Variants in SLC27A6 observed in about 807,000 individuals in gnomAD.
SLC27A6 encodes the protein long-chain fatty acid transport protein 6.
In SLC27A6, 74 loss-of-function variants were observed where a neutral mutation model predicts 63.9. The observed-to-expected ratio is 1.16, with a 90% CI of 0.96 to 1.40. The LOEUF (loss-of-function observed/expected upper bound fraction) is 1.40. Among genes scored for constraint, SLC27A6 ranks in the 40% most tolerant of loss-of-function variants. The pLI, the probability that SLC27A6 is intolerant of heterozygous loss-of-function variation, is 0.00. For missense variants in SLC27A6, 794 were observed against 732.9 expected, an observed-to-expected ratio of 1.08 and a Z score of -0.96; for synonymous variants, 287 against 260.8, an observed-to-expected ratio of 1.10 and a Z score of -0.97.
In SLC27A6 at chr5:129,023,640, A is replaced by G; in HGVS notation, c.1185A>G (p.Leu395=). ...TGCAGCTTCTTTCCACTTTTGACTT[A>G]ATAAAGTATGACTTTCAGAAAGATG... The part of the protein sequence containing the change: ...LFYKLLSTFD[L]IKYDFQKDEP... The change falls in exon 6 of 10, where the codon TTA becomes TTG. Residue 395 remains leucine (L), a synonymous_variant. Transcript: ENST00000262462. 1.9e-6 allele frequency: 3 copies of G among 1,606,126 alleles called. No individual in the cohort carries two copies. The African/African-American group carries it at 4.0e-5, about 22-fold the overall frequency.
chr5:128,997,698 T>C (rs555986341), intron 4 of SLC27A6, among the ~76,000 whole-genome samples: 2 of 152,318 alleles, frequency 1.3e-5, no homozygotes, highest in African/African-American at 4.8e-5. Flanking sequence ...GCTAATTCCA[T>C]TGAGGATACA....
chr5:129,022,646 C>T (rs2150153299), intron 5 of SLC27A6, among the ~76,000 whole-genome samples: 1 of 152,156 alleles, frequency 6.6e-6, no homozygotes. Flanking sequence ...CTGAGTAGAA[C>T]CTCAATTTTC....
intron 4 of SLC27A6, among the ~76,000 whole-genome samples, chr5:129,015,208 A>T (rs373212483): frequency 1.3e-5 from 2 of 152,176 alleles, no homozygotes; most frequent in South Asian, 2.1e-4. Context: ...TAGTTAAAAC[A>T]TTACTTACTA....
chr5:128,977,629 G>T (rs1750434199), intron 1 of SLC27A6, among the ~76,000 whole-genome samples: 1 of 152,158 alleles, frequency 6.6e-6, no homozygotes, highest in Non-Finnish European at 1.5e-5. Context: ...ACCTTGCCTA[G>T]ATGTATGAGC....
intron 2 of SLC27A6, among the ~76,000 whole-genome samples, chr5:128,987,402 C>T (rs1047461728): frequency 1.3e-5 from 2 of 151,936 alleles, no homozygotes; most frequent in East Asian, 3.9e-4. Flanking sequence ...GTTTTTGTGT[C>T]TGCACTTTTA....
At chr5:129,021,453 C>T (rs1752073745) in intron 5 of SLC27A6, among the ~76,000 whole-genome samples, 1 of 152,156 alleles carries the variant, frequency 6.6e-6, no homozygotes, top group Non-Finnish European at 1.5e-5. Flanking sequence ...ATTTACAAAT[C>T]TGAATCTGCA....
intron 1 of SLC27A6, among the ~76,000 whole-genome samples, chr5:128,980,144 A>G (rs1750533034): frequency 6.6e-6 from 1 of 152,162 alleles, no homozygotes; most frequent in Non-Finnish European, 1.5e-5. Context: ...TTTCTATTTA[A>G]TGAGCTTGAG....
intron 3 of SLC27A6, 52 bp downstream of exon 3, chr5:128,988,810 A>G: frequency 7.1e-7 from 1 of 1,404,434 alleles, no homozygotes; most frequent in Non-Finnish European, 9.9e-7. Context: ...AATAATTAGA[A>G]CAAGTATTTA....
At chr5:128,994,977 G>GA (rs1751107740) in intron 4 of SLC27A6, among the ~76,000 whole-genome samples, 1 of 152,174 alleles carries the variant, frequency 6.6e-6, no homozygotes. Context: ...ATTGTTTTCA[G>GA]AAAAAGAGAC....
At chr5:128,992,712 G>C (rs528636108) in intron 4 of SLC27A6, among the ~76,000 whole-genome samples, 9 of 152,242 alleles carry the variant, frequency 5.9e-5, no homozygotes, top group Non-Finnish European at 8.8e-5. Flanking sequence ...TTATCTTCTA[G>C]TTTTCATTGT....
At position 129,012,588 on chromosome 5, in the gene SLC27A6, T is replaced by C. The variant is rs140424773; in HGVS notation, c.970-3297T>C. Among the ~76,000 whole-genome samples the C allele has an allele frequency of 4.6e-3, 694 of 152,272 alleles. 5 individuals carry two copies. Among genetic ancestry groups the C allele is most frequent in the African/African-American group, 0.016 (682 of 41,576 alleles). ...AAAATATCTCAGTCTATTTTAGCTC[T>C]GTCCATTTTTGCTTTATATATTTGA... On this transcript the variant is annotated intron_variant, in intron 4 of 9. Coordinates refer to ENST00000262462, the MANE Select transcript of SLC27A6 (RefSeq NM_001017372.3).
intron 4 of SLC27A6, among the ~76,000 whole-genome samples, chr5:129,000,438 G>A (rs1751295453): frequency 2.0e-5 from 3 of 152,144 alleles, no homozygotes; most frequent in Non-Finnish European, 4.4e-5. Flanking sequence ...AACAAGTCCA[G>A]TTGCTGGGAT....
Position 129,027,140 on chromosome 5 carries a change from T to G in SLC27A6, c.1263T>G (p.Pro421=), listed in dbSNP as rs767665885. 1.2e-5 allele frequency: 20 copies of G among 1,613,000 alleles called. No individual in the cohort carries two copies. Among genetic ancestry groups the G allele is most frequent in the Middle Eastern group, 1.6e-4 (1 of 6,070 alleles). ...GWCIHVKKGE[P]GLLISRVNAK... is the part of the protein sequence containing the mutation. ...TGTCGTTCTTTCTTGCAGGAGAACC[T>G]GGACTTCTCATTTCTCGAGTGAATG... The change falls in exon 7 of 10, where the codon CCT becomes CCG. Residue 421 remains proline (P), a synonymous_variant. Transcript: ENST00000262462.
At chr5:129,008,428 C>T (rs1751618156) in intron 4 of SLC27A6, among the ~76,000 whole-genome samples, 1 of 152,138 alleles carries the variant, frequency 6.6e-6, no homozygotes, top group Non-Finnish European at 1.5e-5. Flanking sequence ...GTTTATAAAC[C>T]ACCTTCATAT....
chr5:128,986,166 TA>T (rs1311314093), intron 2 of SLC27A6, among the ~76,000 whole-genome samples: 2 of 151,952 alleles, frequency 1.3e-5, no homozygotes, highest in Non-Finnish European at 2.9e-5. Context: ...TTAAAAAAAA[TA>T]GCCAGATGTG....
At chr5:129,002,559 TTCCTTCGTTCC>T (rs1751380880) in intron 4 of SLC27A6, among the ~76,000 whole-genome samples, 1 of 88,602 alleles carries the variant, frequency 1.1e-5, no homozygotes, top group Admixed American at 1.5e-4. Context: ...CCTTCCTTTC[TTCCTTCGTTCC>T]TTCGTTCCTT....
intron 4 of SLC27A6, among the ~76,000 whole-genome samples, chr5:129,010,487 A>G (rs985391786): frequency 6.6e-6 from 1 of 152,160 alleles, no homozygotes; most frequent in Admixed American, 6.5e-5. Flanking sequence ...TTTAAAGCAG[A>G]TGATTTTCTC....
intron 5 of SLC27A6, among the ~76,000 whole-genome samples, chr5:129,021,545 T>C (rs1056949597): frequency 1.3e-5 from 2 of 152,218 alleles, no homozygotes; most frequent in African/African-American, 2.4e-5. Context: ...AGTTCTGCTA[T>C]GAATGGGACC....
At position 129,009,671 on chromosome 5, in the gene SLC27A6, TTGTGTGTGTG is replaced by T. The variant is rs71000903; in HGVS notation, c.970-6197_970-6188del. ...ACTCCCCATCATAGCTAACATTTCT[TTGTGTGTGTG>T]TGTGTGTGTGTGTGTGCCTGTGTCA... On this transcript the variant is annotated intron_variant, in intron 4 of 9. Coordinates refer to ENST00000262462, the MANE Select transcript of SLC27A6 (RefSeq NM_001017372.3). Among the ~76,000 whole-genome samples, 1,009 of 149,178 alleles carry T rather than the reference TTGTGTGTGTG, an allele frequency of 6.8e-3. 10 individuals are homozygous for T. The highest frequency in any genetic ancestry group is 9.5e-3 in the Non-Finnish European group (641 of 67,184).
Sources: allele counts gnomAD v4.1 joint callset (sites outside exome capture counted in the v4.1 genomes callset), GRCh38; gene constraint gnomAD v4.1.1; transcripts MANE v1.5; gene names NCBI Gene and HGNC (gene_info 2026-07-23, HGNC 2026-07-21).